GNAZ: variants seen among roughly 807,000 people sequenced by gnomAD.
GNAZ encodes the protein G protein subunit alpha z, also known as guanine nucleotide-binding protein G(z) subunit alpha.
A neutral mutation model predicts 25.4 loss-of-function variants in GNAZ; 3 were observed. That is an observed-to-expected ratio of 0.12 (90% CI 0.05 to 0.30). The LOEUF is 0.30. Among genes scored for constraint, GNAZ ranks in the 10% least tolerant of loss-of-function variants. The pLI is 1.00. For missense variants in GNAZ, 241 were observed against 501.8 expected (o/e 0.48, Z 4.97); for synonymous variants, 211 against 205.7 (o/e 1.03, Z -0.22).
intron 2 of GNAZ, among the ~76,000 whole-genome samples, chr22:23,118,655 G>A (rs1489352673): frequency 6.6e-6 from 1 of 152,234 alleles, no homozygotes; most frequent in Non-Finnish European, 1.5e-5. Context: ...CCCTTGCCAT[G>A]GGGTCATGGT....
At chr22:23,096,460 C>T (rs375921443) in intron 2 of GNAZ, 42 bp downstream of exon 2, 3 of 1,558,762 alleles carry the variant, frequency 1.9e-6, no homozygotes, top group Non-Finnish European at 2.6e-6. Flanking sequence ...TTCCTGCTGT[C>T]GTGGGTTCCT....
chr22:23,093,427 G>A (rs536714737), intron 1 of GNAZ, among the ~76,000 whole-genome samples: 6 of 152,354 alleles, frequency 3.9e-5, no homozygotes, highest in African/African-American at 9.6e-5. Flanking sequence ...AGTGGGGAAC[G>A]AGGCCAGGAC....
chr22:23,110,790 G>A (rs934916409), intron 2 of GNAZ, among the ~76,000 whole-genome samples: 3 of 152,196 alleles, frequency 2.0e-5, no homozygotes, highest in African/African-American at 7.2e-5. Flanking sequence ...CAGCTGGCCT[G>A]GGAGGCAGCT....
chr22:23,123,313 C>T lies in GNAZ; in HGVS notation c.950C>T (p.Thr317Ile). 6.2e-7 allele frequency: 1 copy of T among 1,614,022 alleles called. No homozygotes were observed. The highest frequency in any genetic ancestry group is 8.5e-7 in the Non-Finnish European group (1 of 1,179,904). The change falls in exon 3 of 3, where the codon ACC becomes ATC. Residue 317 changes from threonine to isoleucine, a missense_variant. Physicochemically the swap from Thr to Ile is moderately conservative, Grantham distance 89. Transcript: ENST00000615612. Reference sequence around the variant, plus strand: ...GAAGACCTGAACCGCAACAAGGAGACCAAGGAGATCTACTCCCACTTCACC... The same window carrying T: ...GAAGACCTGAACCGCAACAAGGAGATCAAGGAGATCTACTCCCACTTCACC... ...QFEDLNRNKE[T>I]KEIYSHFTCA...
At chr22:23,082,969 G>A (rs1335685261) in intron 1 of GNAZ, among the ~76,000 whole-genome samples, 5 of 152,148 alleles carry the variant, frequency 3.3e-5, no homozygotes, top group Non-Finnish European at 7.3e-5. Flanking sequence ...ATCATATTAA[G>A]GTGGGGCGTG....
At chr22:23,097,352 A>T (rs2069154970) in intron 2 of GNAZ, among the ~76,000 whole-genome samples, 1 of 152,204 alleles carries the variant, frequency 6.6e-6, no homozygotes, top group South Asian at 2.1e-4. Context: ...GCGGAGAGCA[A>T]CAATGGTTCT....
At chr22:23,113,283 TCTCCCACAGATCTTACCCCGG>T (rs1297818810) in intron 2 of GNAZ, among the ~76,000 whole-genome samples, 1 of 152,120 alleles carries the variant, frequency 6.6e-6, no homozygotes, top group Non-Finnish European at 1.5e-5. Flanking sequence ...AGCATCCTTC[TCTCCCACAGATCTTACCCCGG>T]CTCCCACCCC....
rs1334506642 is a variant in GNAZ at position 23,079,622 on chromosome 22, C to G, written c.-450+9052C>G. On this transcript the variant is annotated intron_variant, in intron 1 of 2. Coordinates refer to ENST00000615612, the MANE Select transcript of GNAZ (RefSeq NM_002073.4). The stretch of plus-strand genomic sequence containing the variant: ...TGAGACATACTCTGCCTCATTTTTA[C>G]AAGGATGCCCCTGGCTGCTGGTGGA... Among the ~76,000 whole-genome samples, 8 of 152,196 alleles carry G rather than the reference C, an allele frequency of 5.3e-5. No individual in the cohort carries two copies. In the South Asian group the frequency reaches 1.4e-3, roughly 28 times the overall value.
intron 2 of GNAZ, among the ~76,000 whole-genome samples, chr22:23,100,739 G>A (rs1002454565): frequency 7.2e-5 from 11 of 152,210 alleles, no homozygotes; most frequent in African/African-American, 2.7e-4. Flanking sequence ...GGCGGGAGGC[G>A]GTAGGCTTGG....
At chr22:23,091,254 A>G (rs2068964223) in intron 1 of GNAZ, among the ~76,000 whole-genome samples, 1 of 152,220 alleles carries the variant, frequency 6.6e-6, no homozygotes, top group South Asian at 2.1e-4. Context: ...AAGCAACCAG[A>G]CACAGACACA....
At chr22:23,099,165 G>A (rs924734188) in intron 2 of GNAZ, among the ~76,000 whole-genome samples, 2 of 152,240 alleles carry the variant, frequency 1.3e-5, no homozygotes, top group African/African-American at 4.8e-5. Flanking sequence ...CCACCCGCTG[G>A]CTTCTGCGTC....
intron 2 of GNAZ, among the ~76,000 whole-genome samples, chr22:23,110,766 G>A (rs932853764): frequency 1.3e-5 from 2 of 152,222 alleles, no homozygotes; most frequent in Non-Finnish European, 2.9e-5. Flanking sequence ...GCCAAGCTCA[G>A]CAGAGGGAGG....
chr22:23,123,648 C>T lies in GNAZ; in HGVS notation c.*217C>T. ...AGACACACACACATGCACACACACACATCTGGAGATGGCAAAATCCTCTAA... is the reference window on the plus strand; with the variant it reads ...AGACACACACACATGCACACACACATATCTGGAGATGGCAAAATCCTCTAA... On this transcript the variant is annotated 3_prime_UTR_variant, in exon 3 of 3. Transcript: ENST00000615612. The T allele has an allele frequency of 1.8e-6, 1 of 570,812 alleles. No homozygotes were observed. Among genetic ancestry groups the T allele is most frequent in the Non-Finnish European group, 3.1e-6 (1 of 320,286 alleles). The allele number at this position is 570,812 out of a possible 1,614,324, so 35.4% of individuals were successfully genotyped here. A position where few individuals can be genotyped will look rare whatever the true frequency, so the allele number is the denominator to read the frequency against.
intron 2 of GNAZ, among the ~76,000 whole-genome samples, chr22:23,115,581 A>C (rs1294633102): frequency 6.6e-6 from 1 of 151,994 alleles, no homozygotes; most frequent in Non-Finnish European, 1.5e-5. Context: ...CTAGAACAGG[A>C]AGGTGGGGTG....
chr22:23,121,023 A>G (rs955208507), intron 2 of GNAZ, among the ~76,000 whole-genome samples: 7 of 152,100 alleles, frequency 4.6e-5, no homozygotes, highest in African/African-American at 1.7e-4. Context: ...AATCCATTAG[A>G]GCTAATTACT....
Position 23,071,802 on chromosome 22 carries a change from A to G in GNAZ, c.-450+1232A>G, listed in dbSNP as rs2068385326. The stretch of plus-strand genomic sequence containing the variant: ...ACATTTGAACTGGAGCTTGAAGGAC[A>G]TGGGCACAGCTAAGCTGGGCATTGT... On this transcript the variant is annotated intron_variant, in intron 1 of 2. Transcript: ENST00000615612. The surrounding 1 kb of genome is among the most constrained non-coding windows in gnomAD (Gnocchi z 4.1). Among the ~76,000 whole-genome samples, 2 of 152,216 alleles carry G rather than the reference A, an allele frequency of 1.3e-5. No homozygotes were observed. The highest frequency in any genetic ancestry group is 2.9e-5 in the Non-Finnish European group (2 of 68,040).
chr22:23,097,845 G>A (rs772445060), intron 2 of GNAZ, among the ~76,000 whole-genome samples: 2 of 152,268 alleles, frequency 1.3e-5, no homozygotes, highest in Non-Finnish European at 2.9e-5. Context: ...GGGTCTGCCA[G>A]TCACACGGGC....
intron 1 of GNAZ, among the ~76,000 whole-genome samples, chr22:23,078,319 C>A (rs1270762671): frequency 1.3e-5 from 2 of 152,244 alleles, no homozygotes; most frequent in Non-Finnish European, 2.9e-5. Flanking sequence ...AAACACTGGG[C>A]CAGTGCCAGG....
At chr22:23,107,987 T>C (rs985123844) in intron 2 of GNAZ, among the ~76,000 whole-genome samples, 2 of 152,092 alleles carry the variant, frequency 1.3e-5, no homozygotes, top group African/African-American at 4.8e-5. Context: ...CTCCTATAGG[T>C]GCCCATCACC....
Sources: gnomAD v4.1 joint callset for allele counts (sites outside exome capture counted in the v4.1 genomes callset) on GRCh38, gnomAD v4.1.1 for gene constraint, Gnocchi (gnomAD v3.1) non-coding constraint, MANE v1.5 for transcripts, NCBI Gene and HGNC (gene_info 2026-07-23, HGNC 2026-07-21) for gene names.